The following PFKFB3 variants were observed in gnomAD, a reference collection of about 807,000 sequenced individuals.
PFKFB3 encodes the protein 6-phosphofructo-2-kinase/fructose-2,6-bisphosphatase 3.
Under a neutral mutation model 68.0 loss-of-function variants are expected in PFKFB3, and 33 were observed. The observed-to-expected ratio is 0.49, with a 90% CI of 0.37 to 0.65. The LOEUF (loss-of-function observed/expected upper bound fraction) is 0.65, where lower values mean the gene tolerates loss of function less well. PFKFB3 is among the 30% of genes least tolerant of loss of function. PFKFB3 has a pLI of 0.00. For missense variants in PFKFB3, 586 were observed against 712.2 expected, an observed-to-expected ratio of 0.82 and a Z score of 2.02; for synonymous variants, 315 against 288.2, an observed-to-expected ratio of 1.09 and a Z score of -0.94.
At chr10:6,315,579 G>A in the PFKFB3 span, among the ~76,000 whole-genome samples, 2 of 152,184 alleles carry the variant, frequency 1.3e-5, no homozygotes, top group Non-Finnish European at 1.5e-5. Flanking sequence ...CGCCTCCTGG[G>A]TTCAAGCCAT....
chr10:6,323,092 C>T, the PFKFB3 span, among the ~76,000 whole-genome samples: 11 of 152,242 alleles, frequency 7.2e-5, no homozygotes, highest in Middle Eastern at 3.4e-3. Context: ...CGGAGGCCTT[C>T]GAAGCCTCAC....
At chr10:6,238,412 G>T (rs1164420759), downstream of PFKFB3, among the ~76,000 whole-genome samples, 21 of 142,262 alleles carry the variant, frequency 1.5e-4, no homozygotes, top group Non-Finnish European at 4.5e-5. Context: ...TGATCTACCT[G>T]CCTTGGCCTC....
At chr10:6,305,267 T>C in the PFKFB3 span, among the ~76,000 whole-genome samples, 1 of 145,110 alleles carries the variant, frequency 6.9e-6, no homozygotes. Context: ...CAAGCTATCC[T>C]CCTGCCTCGG....
chr10:6,272,130 A>G, the PFKFB3 span, among the ~76,000 whole-genome samples: 2 of 152,236 alleles, frequency 1.3e-5, no homozygotes, highest in Admixed American at 1.3e-4. Flanking sequence ...TGTATGTTGT[A>G]TGTTATGAAC....
intron 1 of PFKFB3, among the ~76,000 whole-genome samples, chr10:6,149,099 A>T (rs918623659): frequency 2.0e-5 from 3 of 152,042 alleles, no homozygotes; most frequent in Non-Finnish European, 4.4e-5. Context: ...AATAAATAAG[A>T]CAGATGGTGT....
the PFKFB3 span, among the ~76,000 whole-genome samples, chr10:6,324,875 T>G: frequency 1.2e-4 from 18 of 152,020 alleles, no homozygotes; most frequent in African/African-American, 4.3e-4. Context: ...AACTTAGGGC[T>G]CACAACTTCT....
intron 14 of PFKFB3, among the ~76,000 whole-genome samples, chr10:6,241,332 C>T (rs189290933): frequency 1.1e-3 from 174 of 152,342 alleles, no homozygotes; most frequent in African/African-American, 4.0e-3. Flanking sequence ...TGAGGGGACA[C>T]GGCCACACAG....
rs141095930 is a variant in PFKFB3 at position 6,145,755 on chromosome 10, G to A, written c.16+742G>A. Among the ~76,000 whole-genome samples the A allele has an allele frequency of 2.9e-3, 443 of 152,284 alleles. 4 individuals are homozygous for A. The highest frequency in any genetic ancestry group is 0.027 in the East Asian group (140 of 5,164). ...TCCCCAGAAAAGCAAACTCAGGCCC[G>A]CTGATGAGCGCGGCCCGGCCCCTCC... is the stretch of plus-strand genomic sequence containing the variant. On this transcript the variant is annotated intron_variant, in intron 1 of 14. Transcript: ENST00000379789.
intron 14 of PFKFB3, chr10:6,254,090 C>T: frequency 2.7e-6 from 1 of 371,794 alleles, no homozygotes; most frequent in East Asian, 3.7e-5. Flanking sequence ...CATGTACTTT[C>T]AGATGGCTTT....
In PFKFB3 at chr10:6,219,712, C is replaced by G; in HGVS notation, c.623+19C>G. 6.2e-7 allele frequency: 1 copy of G among 1,611,986 alleles called. No individual in the cohort carries two copies. Among genetic ancestry groups the G allele is most frequent in the Non-Finnish European group, 8.5e-7 (1 of 1,178,734 alleles). On this transcript the variant is annotated intron_variant, in intron 7 of 14. Coordinates refer to ENST00000379775, the MANE Select transcript of PFKFB3 (RefSeq NM_004566.4). ...GCGACAGGTGATTCCCGTGGCTGGC[C>G]GTCTCTGCAAGACCCACATGAGGGT... is the stretch of plus-strand genomic sequence containing the variant.
intron 1 of PFKFB3, among the ~76,000 whole-genome samples, chr10:6,170,667 CAG>C (rs2131742151): frequency 6.6e-6 from 1 of 152,140 alleles, no homozygotes; most frequent in East Asian, 1.9e-4. Context: ...AGGGTGGGGA[CAG>C]TGTGGAGGTG....
intron 4 of PFKFB3, among the ~76,000 whole-genome samples, 194 bp downstream of exon 4, chr10:6,216,385 C>T (rs569707437): frequency 1.3e-5 from 2 of 152,342 alleles, no homozygotes; most frequent in African/African-American, 4.8e-5. Flanking sequence ...GCCAGTCCCA[C>T]ACCTCCAGGG....
the PFKFB3 span, among the ~76,000 whole-genome samples, chr10:6,268,499 C>T: frequency 1.3e-5 from 2 of 152,106 alleles, no homozygotes; most frequent in South Asian, 2.1e-4. Context: ...TTTGCGTGCA[C>T]CTGTAATCCC....
At chr10:6,283,899 C>T in the PFKFB3 span, among the ~76,000 whole-genome samples, 1 of 152,206 alleles carries the variant, frequency 6.6e-6, no homozygotes, top group East Asian at 1.9e-4. Context: ...GATCATGCCT[C>T]CCAGTATCAT....
At chr10:6,163,417 C>G (rs993367408) in intron 1 of PFKFB3, among the ~76,000 whole-genome samples, 2 of 152,182 alleles carry the variant, frequency 1.3e-5, no homozygotes, top group African/African-American at 4.8e-5. Flanking sequence ...TGGATGTCAA[C>G]TCTTTAGTCC....
At chr10:6,224,485 CTTTT>C (rs747978615) in intron 13 of PFKFB3, 1 of 589,124 alleles carries the variant, frequency 1.7e-6, no homozygotes, top group African/African-American at 1.9e-5. Context: ...TACATTCTCT[CTTTT>C]TTTTTATTTG....
chr10:6,253,678 TG>T (rs992798495), intron 14 of PFKFB3, among the ~76,000 whole-genome samples: 4 of 150,294 alleles, frequency 2.7e-5, no homozygotes, highest in Non-Finnish European at 5.9e-5. Context: ...CATATCCTGG[TG>T]GTGGGGGATG....
intron 14 of PFKFB3, 109 bp from the exon 15 acceptor site, chr10:6,232,786 A>T: frequency 2.3e-6 from 2 of 854,832 alleles, no homozygotes; most frequent in Non-Finnish European, 3.9e-6. Flanking sequence ...TTTGTCTGGG[A>T]TGGAGGGAGG....
At chr10:6,262,019 C>A in the PFKFB3 span, among the ~76,000 whole-genome samples, 23 of 144,706 alleles carry the variant, frequency 1.6e-4, no homozygotes, top group East Asian at 2.1e-4. Flanking sequence ...AAACAAAAAA[C>A]AAAAAAAAAA....
Sources: allele counts gnomAD v4.1 joint callset (sites outside exome capture counted in the v4.1 genomes callset), GRCh38; gene constraint gnomAD v4.1.1; transcripts MANE v1.5; gene names NCBI Gene and HGNC (gene_info 2026-07-23, HGNC 2026-07-21).